The following HTR5A variants were observed in gnomAD, a reference collection of about 807,000 sequenced individuals.
HTR5A encodes 5-HT-5.
A neutral mutation model predicts 24.3 loss-of-function variants in HTR5A; 21 were observed. The ratio of observed to expected loss-of-function variants is 0.86; its 90% confidence interval spans 0.61 to 1.24. The LOEUF (loss-of-function observed/expected upper bound fraction) is 1.24, where lower values mean the gene tolerates loss of function less well. Ranked by LOEUF, HTR5A falls within the 50% of genes most tolerant of loss-of-function variation. The probability of loss-of-function intolerance (pLI) is 0.00; values close to 1 mark genes in which losing one functional copy is unlikely to be tolerated. For missense variants in HTR5A, 497 were observed against 489.5 expected, an observed-to-expected ratio of 1.02 and a Z score of -0.15; for synonymous variants, 260 against 213.7, an observed-to-expected ratio of 1.22 and a Z score of -1.89.
intron 1 of HTR5A, among the ~76,000 whole-genome samples, chr7:155,076,307 G>A (rs146433113): frequency 3.3e-5 from 5 of 152,140 alleles, no homozygotes; most frequent in African/African-American, 1.2e-4. Flanking sequence ...CATTTTTAGA[G>A]TACCTGAAGG....
intron 1 of HTR5A, among the ~76,000 whole-genome samples, chr7:155,073,057 A>G (rs1206273290): frequency 6.6e-6 from 1 of 152,090 alleles, no homozygotes; most frequent in Non-Finnish European, 1.5e-5. Flanking sequence ...GCGGTGGCTC[A>G]CGCCTGTAAT....
chr7:155,084,258 G>T lies in HTR5A; in HGVS notation c.845G>T (p.Arg282Leu), dbSNP rs202028626. 23 of 1,613,984 alleles carry T rather than the reference G, an allele frequency of 1.4e-5. No individual in the cohort carries two copies. In the Admixed American group the frequency reaches 3.8e-4, roughly 27 times the overall value. Residue 282 changes from arginine (R) to leucine (L), a missense_variant, in exon 2 of 2, where the codon CGG (arginine) becomes CTG (leucine). Coordinates refer to ENST00000287907, the MANE Select transcript of HTR5A (RefSeq NM_024012.4). ...ACGTGGCGGGAGCAGAAGGAGCAGC[G>T]GGCCGCCCTCATGGTGGGCATCCTC... ...GDTWREQKEQRAALMVGILIG... is the reference protein window; with the variant it reads ...GDTWREQKEQLAALMVGILIG...
chr7:155,084,220 G>A lies in HTR5A; in HGVS notation c.807G>A (p.Gln269=). Residue 269 remains glutamine, a synonymous_variant, in exon 2 of 2, where the codon CAG becomes CAA. Coordinates refer to ENST00000287907, the MANE Select transcript of HTR5A (RefSeq NM_024012.4). ...TCCGCCACGCCACCGTCACCTTCCA[G>A]CCAGAAGGGGACACGTGGCGGGAGC... ...FTVRHATVTF[Q]PEGDTWREQK... is the part of the protein sequence containing the mutation. 6.2e-7 allele frequency: 1 copy of A among 1,614,120 alleles called. No homozygotes were observed.
chr7:155,070,796 C>A lies in HTR5A; in HGVS notation c.-104C>A. ...CACTTTCCAGAAACTCCCCCACTGGCCAGAGGTTGCAAACATCCGGATTGG... is the reference window on the plus strand; with the variant it reads ...CACTTTCCAGAAACTCCCCCACTGGACAGAGGTTGCAAACATCCGGATTGG... On this transcript the variant is annotated 5_prime_UTR_variant, in exon 1 of 2. Coordinates refer to ENST00000287907, the MANE Select transcript of HTR5A (RefSeq NM_024012.4). The A allele has an allele frequency of 4.9e-6, 6 of 1,223,244 alleles. No homozygotes were observed. Among genetic ancestry groups the A allele is most frequent in the Non-Finnish European group, 6.8e-6 (6 of 877,534 alleles). 75.8% of individuals were successfully genotyped at this position (1,223,244 alleles called of 1,614,324 possible).
At chr7:155,083,431 A>G (rs553553319) in intron 1 of HTR5A, among the ~76,000 whole-genome samples, 1 of 152,254 alleles carries the variant, frequency 6.6e-6, no homozygotes, top group East Asian at 1.9e-4. Flanking sequence ...AGAGCTAAAA[A>G]TAGGACCAGA....
rs916324131 is a variant in HTR5A at position 155,070,624 on chromosome 7, C to T, written c.-276C>T. On this transcript the variant is annotated 5_prime_UTR_variant, in exon 1 of 2. Transcript: ENST00000287907. ...CCACCAAGGCGAGGAGCCCTGGGCT[C>T]CTGACAGCTTAGGCGGGCCCTGGCT... The T allele has an allele frequency of 2.0e-6, 1 of 503,266 alleles. No individual in the cohort carries two copies. Among genetic ancestry groups the T allele is most frequent in the Admixed American group, 3.4e-5 (1 of 29,224 alleles). 31.2% of individuals were successfully genotyped at this position (503,266 alleles called of 1,614,324 possible). A position where few individuals can be genotyped will look rare whatever the true frequency, so the allele number is the denominator to read the frequency against.
chr7:155,083,616 AG>A (rs1367137337), intron 1 of HTR5A, among the ~76,000 whole-genome samples: 1 of 152,248 alleles, frequency 6.6e-6, no homozygotes, highest in Non-Finnish European at 1.5e-5. Flanking sequence ...GACACAGAAT[AG>A]ACCCAGAGAG....
chr7:155,071,442 G>A lies in HTR5A; in HGVS notation c.543G>A (p.Trp181Ter). Residue 181 changes from tryptophan (W) to a stop codon, truncating the protein, a stop_gained, in exon 1 of 2, where the codon TGG becomes TGA. Coordinates refer to ENST00000287907, the MANE Select transcript of HTR5A (RefSeq NM_024012.4). LOFTEE classifies it high-confidence loss of function. The part of the protein sequence containing the change: ...VISLAPLLFG[W>*]GETYSEGSEE... ...CTCTGGCCCCGCTGCTTTTTGGCTG[G>A]GGAGAGACGTACTCTGAGGGCAGCG... 6.2e-7 allele frequency: 1 copy of A among 1,614,182 alleles called. No individual in the cohort carries two copies. Among genetic ancestry groups the A allele is most frequent in the Non-Finnish European group, 8.5e-7 (1 of 1,180,038 alleles).
intron 1 of HTR5A, among the ~76,000 whole-genome samples, chr7:155,077,750 C>T (rs1053920872): frequency 3.9e-5 from 6 of 152,114 alleles, no homozygotes; most frequent in Non-Finnish European, 7.4e-5. Context: ...CAGGTGTGAG[C>T]CACTGTGCCC....
At chr7:155,078,936 T>C (rs949918686) in intron 1 of HTR5A, among the ~76,000 whole-genome samples, 6 of 151,988 alleles carry the variant, frequency 3.9e-5, no homozygotes, top group African/African-American at 1.4e-4. Context: ...CTTCCTTTCC[T>C]TTCTTTTCCT....
intron 1 of HTR5A, among the ~76,000 whole-genome samples, chr7:155,081,111 C>T (rs1795412279): frequency 6.6e-6 from 1 of 152,278 alleles, no homozygotes; most frequent in Middle Eastern, 3.4e-3. Flanking sequence ...CTCGTGGAGG[C>T]TTCCTTGATG....
rs1795476650 is a variant in HTR5A at position 155,086,369 on chromosome 7, A to T, written c.*1882A>T. On this transcript the variant is annotated 3_prime_UTR_variant, in exon 2 of 2. Transcript: ENST00000287907. ...ATAAATCGTGAGTGTCTTACTGTTT[A>T]AAAAAGTTCATACTCTTCAGTAAAG... is the stretch of plus-strand genomic sequence containing the variant. Among the ~76,000 whole-genome samples, 1 of 152,312 alleles carries T rather than the reference A, an allele frequency of 6.6e-6. No homozygotes were observed. The highest frequency in any genetic ancestry group is 2.1e-4 in the South Asian group (1 of 4,824).
chr7:155,083,610 C>G (rs1382202546), intron 1 of HTR5A, among the ~76,000 whole-genome samples: 1 of 152,180 alleles, frequency 6.6e-6, no homozygotes, highest in Admixed American at 6.5e-5. Flanking sequence ...GAGGAAGACA[C>G]AGAATAGACC....
intron 1 of HTR5A, among the ~76,000 whole-genome samples, chr7:155,082,288 T>C (rs113431200): frequency 6.6e-6 from 1 of 150,950 alleles, no homozygotes; most frequent in Admixed American, 6.6e-5. Context: ...TCCATGGTGT[T>C]ACCAGTGTTA....
intron 1 of HTR5A, among the ~76,000 whole-genome samples, chr7:155,077,765 A>G (rs1051400432): frequency 6.6e-6 from 1 of 152,092 alleles, no homozygotes; most frequent in African/African-American, 2.4e-5. Context: ...GTGCCCAGCC[A>G]CCAATAGCTT....
intron 1 of HTR5A, 58 bp downstream of exon 1, chr7:155,071,698 C>T: frequency 6.5e-7 from 1 of 1,543,258 alleles, no homozygotes; most frequent in Non-Finnish European, 8.8e-7. Context: ...GGCTATATCC[C>T]CAGGCCACCT....
At chr7:155,073,686 GC>G (rs888047172) in intron 1 of HTR5A, among the ~76,000 whole-genome samples, 13 of 151,696 alleles carry the variant, frequency 8.6e-5, no homozygotes, top group African/African-American at 3.2e-4. Context: ...TTTACAGTCA[GC>G]CCTAAACACA....
At chr7:155,074,677 C>T (rs1049156191) in intron 1 of HTR5A, 1 of 152,106 alleles carries the variant, frequency 6.6e-6, no homozygotes, top group Non-Finnish European at 1.5e-5. Flanking sequence ...AATTGCCCTC[C>T]CATCCTTATT....
chr7:155,073,301 A>G (rs1795318435), intron 1 of HTR5A, among the ~76,000 whole-genome samples: 1 of 131,616 alleles, frequency 7.6e-6, no homozygotes, highest in South Asian at 2.7e-4. Flanking sequence ...AGCCTGGGCG[A>G]CAGAGTGAGA....
Sources: allele counts gnomAD v4.1 joint callset (sites outside exome capture counted in the v4.1 genomes callset), GRCh38; gene constraint gnomAD v4.1.1; transcripts MANE v1.5; gene names NCBI Gene and HGNC (gene_info 2026-07-23, HGNC 2026-07-21).